The following UST variants were observed in gnomAD, a reference collection of about 807,000 sequenced individuals.
The protein encoded by UST is uronyl 2-sulfotransferase, also known as chondroitin sulfate 2-O-sulfotransferase.
A neutral mutation model predicts 45.6 loss-of-function variants in UST; 21 were observed. The ratio of observed to expected loss-of-function variants is 0.46; its 90% CI spans 0.33 to 0.66. The LOEUF (loss-of-function observed/expected upper bound fraction) is 0.66, where lower values mean the gene tolerates loss of function less well. Ranked by LOEUF, UST falls within the 30% of genes least tolerant of loss-of-function variation. The probability of loss-of-function intolerance (pLI) is 0.02; values close to 1 mark genes in which losing one functional copy is unlikely to be tolerated. For synonymous variants in UST, 215 were observed against 200.6 expected (o/e 1.07, Z -0.61); for missense variants, 463 against 512.4 (o/e 0.90, Z 0.93).
At position 149,034,278 on chromosome 6, in the gene UST, C is replaced by T. The variant is rs115039543; in HGVS notation, c.937+12797C>T. 5.5e-3 allele frequency among the ~76,000 whole-genome samples: 831 copies of T among 152,236 alleles called. 7 individuals are homozygous for T. The highest frequency in any genetic ancestry group is 0.019 in the African/African-American group (808 of 41,528). On this transcript the variant is annotated intron_variant, in intron 7 of 7. Transcript: ENST00000367463. ...ATTTATTTGTACCTATCAAAAATTT[C>T]GTATGTGCCAAAATTTTCGTATGTG...
intron 1 of UST, 62 bp downstream of exon 1, chr6:148,747,739 G>C (rs928964058): frequency 1.4e-6 from 2 of 1,480,302 alleles, no homozygotes; most frequent in African/African-American, 1.4e-5. Flanking sequence ...GGCGGGGAGA[G>C]GGTCGCGGCG....
At chr6:148,945,045 CT>C (rs147791350) in intron 3 of UST, among the ~76,000 whole-genome samples, 3,382 of 152,292 alleles carry the variant, frequency 0.022, 116 homozygotes, top group East Asian at 0.12. Flanking sequence ...TCCATAATTA[CT>C]TTCATTCTCT....
chr6:148,971,629 T>C (rs1484299904), intron 5 of UST, among the ~76,000 whole-genome samples: 1 of 152,050 alleles, frequency 6.6e-6, no homozygotes, highest in Non-Finnish European at 1.5e-5. Context: ...TACAAAGCCC[T>C]GTGGCAGAAG....
At chr6:148,917,873 G>A (rs564478884) in intron 2 of UST, among the ~76,000 whole-genome samples, 8 of 152,192 alleles carry the variant, frequency 5.3e-5, no homozygotes, top group East Asian at 3.9e-4. Flanking sequence ...GCTAAGATCC[G>A]CCAGGTAGAC....
chr6:148,917,373 T>C (rs1211157597), intron 2 of UST, among the ~76,000 whole-genome samples: 4 of 152,232 alleles, frequency 2.6e-5, no homozygotes, highest in Admixed American at 2.6e-4. Flanking sequence ...GAATTCAGTA[T>C]TTATTATCAC....
intron 1 of UST, among the ~76,000 whole-genome samples, chr6:148,793,135 G>A (rs1031802016): frequency 6.6e-6 from 1 of 152,166 alleles, no homozygotes; most frequent in African/African-American, 2.4e-5. Flanking sequence ...CAAGATTATA[G>A]TGATGGGGAA....
intron 1 of UST, among the ~76,000 whole-genome samples, chr6:148,867,685 G>T (rs138325867): frequency 1.2e-4 from 19 of 152,242 alleles, no homozygotes; most frequent in East Asian, 1.2e-3. Context: ...TGTAAGATGT[G>T]CCTTTCACCT....
intron 1 of UST, among the ~76,000 whole-genome samples, chr6:148,854,561 A>G (rs1226101761): frequency 6.6e-6 from 1 of 152,198 alleles, no homozygotes; most frequent in Non-Finnish European, 1.5e-5. Context: ...GTGATTCATT[A>G]TGGAACAAAT....
intron 1 of UST, among the ~76,000 whole-genome samples, chr6:148,769,750 T>TTGTGTGTGTGTGTGTGTGTGTGTGTG (rs57316536): frequency 6.8e-6 from 1 of 148,126 alleles, no homozygotes; most frequent in African/African-American, 2.5e-5. Flanking sequence ...GAGCCTGTGT[T>TTGTGTGTGTGTGTGTGTGTGTGTGTG]TGTGTGTGTG....
intron 5 of UST, among the ~76,000 whole-genome samples, chr6:149,010,345 T>A (rs959937873): frequency 7.9e-5 from 12 of 152,212 alleles, no homozygotes; most frequent in African/African-American, 2.9e-4. Context: ...TCCACATCTC[T>A]GAAAAGCATC....
intron 5 of UST, among the ~76,000 whole-genome samples, chr6:148,970,588 G>A (rs567399188): frequency 3.3e-4 from 51 of 152,318 alleles, no homozygotes; most frequent in Admixed American, 2.2e-3. Context: ...CAAAAGGATT[G>A]CAGGCCAGTG....
intron 7 of UST, among the ~76,000 whole-genome samples, chr6:149,036,570 T>C (rs529757955): frequency 2.4e-4 from 36 of 152,356 alleles, no homozygotes; most frequent in Non-Finnish European, 4.9e-4. Context: ...GGGAATGTTC[T>C]AACTACCTGA....
At chr6:148,860,725 A>T (rs1455880443) in intron 1 of UST, among the ~76,000 whole-genome samples, 1 of 152,174 alleles carries the variant, frequency 6.6e-6, no homozygotes, top group Non-Finnish European at 1.5e-5. Flanking sequence ...AATTTTGTCG[A>T]AGGCCTTTTC....
chr6:148,916,305 G>A (rs115221127), intron 2 of UST, among the ~76,000 whole-genome samples: 2,827 of 152,278 alleles, frequency 0.019, 89 homozygotes, highest in African/African-American at 0.064. Flanking sequence ...AGCTAGAACT[G>A]GGATTTGCAC....
At chr6:149,029,411 A>G (rs1776102375) in intron 7 of UST, among the ~76,000 whole-genome samples, 1 of 133,756 alleles carries the variant, frequency 7.5e-6, no homozygotes, top group Non-Finnish European at 1.6e-5. Context: ...TATATAAAAT[A>G]TATACATTAT....
intron 1 of UST, among the ~76,000 whole-genome samples, chr6:148,813,763 C>A (rs931453331): frequency 1.3e-5 from 2 of 152,120 alleles, no homozygotes; most frequent in African/African-American, 2.4e-5. Flanking sequence ...TTCAGTTGTG[C>A]CATCTTTATA....
At chr6:148,976,634 T>C (rs1188840681) in intron 5 of UST, among the ~76,000 whole-genome samples, 1 of 152,234 alleles carries the variant, frequency 6.6e-6, no homozygotes, top group African/African-American at 2.4e-5. Context: ...TGCATTTCTC[T>C]CGTTATGAGT....
intron 1 of UST, among the ~76,000 whole-genome samples, chr6:148,770,345 C>T (rs1776400006): frequency 6.7e-6 from 1 of 150,092 alleles, no homozygotes; most frequent in Admixed American, 6.7e-5. Context: ...ATTCTAGATT[C>T]TAGAAAGAAG....
At chr6:148,804,969 A>G (rs566254756) in intron 1 of UST, among the ~76,000 whole-genome samples, 1 of 152,194 alleles carries the variant, frequency 6.6e-6, no homozygotes, top group South Asian at 2.1e-4. Context: ...TGGTTCATAA[A>G]ATGAAAATAT....
Sources: allele counts gnomAD v4.1 joint callset (sites outside exome capture counted in the v4.1 genomes callset), GRCh38; gene constraint gnomAD v4.1.1; transcripts MANE v1.5; gene names NCBI Gene and HGNC (gene_info 2026-07-23, HGNC 2026-07-21).